OSBP: variants seen among roughly 807,000 people sequenced by gnomAD.
OSBP encodes the protein oxysterol-binding protein 1.
In OSBP, 32 loss-of-function variants were observed where a neutral mutation model predicts 96.6. That is an observed-to-expected ratio of 0.33 (90% CI 0.25 to 0.45). The LOEUF (loss-of-function observed/expected upper bound fraction) is 0.45. Ranked by LOEUF, OSBP falls within the 20% of genes least tolerant of loss-of-function variation. OSBP has a pLI of 1.00. For synonymous variants in OSBP, 369 were observed against 389.6 expected, an observed-to-expected ratio of 0.95 and a Z score of 0.62; for missense variants, 653 against 1,029.7, an observed-to-expected ratio of 0.63 and a Z score of 5.01.
chr11:59,595,530 T>C (rs886708433), intron 7 of OSBP, among the ~76,000 whole-genome samples: 1 of 152,202 alleles, frequency 6.6e-6, no homozygotes, highest in African/African-American at 2.4e-5. Context: ...TAATATCGTA[T>C]AATTTTTAAC....
At chr11:59,585,581 C>A (rs1362341466) in intron 9 of OSBP, among the ~76,000 whole-genome samples, 1 of 139,812 alleles carries the variant, frequency 7.2e-6, no homozygotes, top group East Asian at 2.3e-4. Flanking sequence ...CCGCCCCGTC[C>A]GGGAGGTGAG....
chr11:59,592,114 A>G (rs1190177226), intron 9 of OSBP, among the ~76,000 whole-genome samples: 1 of 152,256 alleles, frequency 6.6e-6, no homozygotes, highest in East Asian at 1.9e-4. Flanking sequence ...AATTCTGCAA[A>G]TAAGATGTTA....
chr11:59,594,392 CAA>C, intron 7 of OSBP, 137 bp from the exon 8 acceptor site: 1 of 732,984 alleles, frequency 1.4e-6, no homozygotes, highest in Non-Finnish European at 2.2e-6. Context: ...ATTTAACCCG[CAA>C]ACAACCCATT....
At position 59,601,649 on chromosome 11, in the gene OSBP, A is replaced by G; in HGVS notation, c.1012T>C (p.Ser338Pro). 1 of 1,612,626 alleles carries G rather than the reference A, an allele frequency of 6.2e-7. No homozygotes were observed. Among genetic ancestry groups the G allele is most frequent in the African/African-American group, 1.3e-5 (1 of 74,994 alleles). Residue 338 changes from serine (S) to proline (P), a missense_variant, in exon 4 of 14, where the codon TCT becomes CCT. Transcript: ENST00000263847. ...GAGCTAAGTGTCTTACCTTTACCAG[A>G]ACCCACATTGCCAGGAGTGTTTGCC... ...LPANTPGNVG[S>P]GKDQCCSGKG...
At chr11:59,586,060 A>T (rs1213923860) in intron 9 of OSBP, among the ~76,000 whole-genome samples, 1 of 151,652 alleles carries the variant, frequency 6.6e-6, no homozygotes, top group African/African-American at 2.4e-5. Context: ...GCCTAGGAAA[A>T]CCAGAGACCT....
At chr11:59,606,179 C>T (rs779865616) in intron 3 of OSBP, among the ~76,000 whole-genome samples, 6 of 152,164 alleles carry the variant, frequency 3.9e-5, no homozygotes, top group Admixed American at 1.3e-4. Flanking sequence ...CCTGAGGACA[C>T]GGACCATATC....
chr11:59,585,481 C>G (rs1261318582), intron 9 of OSBP, among the ~76,000 whole-genome samples: 2 of 152,032 alleles, frequency 1.3e-5, no homozygotes, highest in Non-Finnish European at 2.9e-5. Flanking sequence ...CGCCCGGCAG[C>G]CACCCCGTCT....
At chr11:59,596,801 T>C (rs979022753) in intron 7 of OSBP, among the ~76,000 whole-genome samples, 10 of 152,082 alleles carry the variant, frequency 6.6e-5, no homozygotes, top group African/African-American at 2.4e-4. Context: ...CAAGAGGGCA[T>C]AGAGGGAGAG....
intron 9 of OSBP, among the ~76,000 whole-genome samples, chr11:59,587,496 C>G (rs988165037): frequency 6.9e-6 from 1 of 145,050 alleles, no homozygotes; most frequent in African/African-American, 2.6e-5. Flanking sequence ...TGCGAGACTC[C>G]ATGTCAAAAA....
chr11:59,592,984 G>A (rs1048441046), intron 9 of OSBP, among the ~76,000 whole-genome samples: 3 of 152,062 alleles, frequency 2.0e-5, no homozygotes, highest in African/African-American at 7.2e-5. Context: ...TCTTAGTAAA[G>A]ACAGGGTTTC....
intron 12 of OSBP, among the ~76,000 whole-genome samples, chr11:59,577,722 C>G (rs968107548): frequency 4.6e-5 from 7 of 152,222 alleles, no homozygotes; most frequent in African/African-American, 7.2e-5. Flanking sequence ...AACTCCTAAT[C>G]ACAAGTGATC....
At chr11:59,606,602 G>C (rs2134674216) in intron 3 of OSBP, among the ~76,000 whole-genome samples, 1 of 152,178 alleles carries the variant, frequency 6.6e-6, no homozygotes, top group East Asian at 1.9e-4. Context: ...TTGGGCAATG[G>C]GATAATTAGA....
At chr11:59,603,333 C>T (rs1860743778) in intron 3 of OSBP, among the ~76,000 whole-genome samples, 1 of 152,154 alleles carries the variant, frequency 6.6e-6, no homozygotes, top group Non-Finnish European at 1.5e-5. Context: ...AATCTATTCC[C>T]TGTTACAGAG....
chr11:59,598,145 T>A (rs1235595967), intron 7 of OSBP, among the ~76,000 whole-genome samples: 3 of 152,236 alleles, frequency 2.0e-5, no homozygotes, highest in Non-Finnish European at 4.4e-5. Context: ...ACAAAAATTC[T>A]ACATATTTGT....
Position 59,610,661 on chromosome 11 carries a change from T to C in OSBP, c.363-72A>G, listed in dbSNP as rs1210064824. On this transcript the variant is annotated intron_variant, in intron 1 of 13. Transcript: ENST00000263847. ...ATCCTTTATCACATTCCATTTCTTT[T>C]CATAACTCTGAGCTCCCTGAAAATA... 4 of 1,246,864 alleles carry C rather than the reference T, an allele frequency of 3.2e-6. No homozygotes were observed. In the African/African-American group the frequency reaches 5.9e-5, roughly 18 times the overall value. 77.2% of individuals were successfully genotyped at this position (1,246,864 alleles called of 1,614,324 possible).
chr11:59,597,894 C>T (rs1860677715), intron 7 of OSBP, among the ~76,000 whole-genome samples: 1 of 152,068 alleles, frequency 6.6e-6, no homozygotes, highest in Non-Finnish European at 1.5e-5. Flanking sequence ...TTAGTAGAGA[C>T]AGGGTTTCAC....
chr11:59,613,920 G>T (rs1249811939), intron 1 of OSBP, among the ~76,000 whole-genome samples: 1 of 152,162 alleles, frequency 6.6e-6, no homozygotes, highest in South Asian at 2.1e-4. Flanking sequence ...TGATGGAAAA[G>T]AGACTTGTTC....
chr11:59,602,337 C>T (rs533805088), intron 3 of OSBP, among the ~76,000 whole-genome samples: 126 of 152,190 alleles, frequency 8.3e-4, no homozygotes, highest in Admixed American at 1.6e-3. Context: ...ATTTTGGTCA[C>T]TAAGAGAAAC....
At position 59,576,669 on chromosome 11, in the gene OSBP, G is replaced by T; in HGVS notation, c.2332C>A (p.Pro778Thr). 6.2e-7 allele frequency: 1 copy of T among 1,614,036 alleles called. No homozygotes were observed. The highest frequency in any genetic ancestry group is 1.7e-5 in the Admixed American group (1 of 60,002). The change falls in exon 14 of 14, where the codon CCT (proline) becomes ACT (threonine). Residue 778 changes from proline to threonine, a missense_variant. Physicochemically the swap from Pro to Thr is conservative, Grantham distance 38. Around this residue, in one of 6 missense-constraint regions of OSBP, gnomAD observed 169 missense variants for 251.5 expected, o/e 0.67. Transcript: ENST00000263847. ...ATATGGGTTAACTCCTTGGTAACAG[G>T]GTCCTTCTTCCGCTCAAACCACAGT... ...KALWFERKKD[P>T]VTKELTHIYR...
Sources: allele counts gnomAD v4.1 joint callset (sites outside exome capture counted in the v4.1 genomes callset), GRCh38; gene constraint gnomAD v4.1.1; regional missense constraint gnomAD v4.1.1; transcripts MANE v1.5; gene names NCBI Gene and HGNC (gene_info 2026-07-23, HGNC 2026-07-21).